The following ANO10 variants were observed in gnomAD, a reference collection of about 807,000 sequenced individuals.
The protein encoded by ANO10 is anoctamin-10.
A neutral mutation model predicts 74.7 loss-of-function variants in ANO10; 77 were observed. The observed-to-expected ratio is 1.03, with a 90% confidence interval of 0.86 to 1.25. The LOEUF is 1.25. Ranked by LOEUF, ANO10 falls within the 50% of genes most tolerant of loss-of-function variation. ANO10 has a pLI of 0.00. For missense variants in ANO10, 721 were observed against 778.1 expected (o/e 0.93, Z 0.87); for synonymous variants, 279 against 284.9 (o/e 0.98, Z 0.21).
chr3:43,518,075 G>T (rs1469733313), intron 11 of ANO10, among the ~76,000 whole-genome samples: 1 of 152,178 alleles, frequency 6.6e-6, no homozygotes, highest in Non-Finnish European at 1.5e-5. Flanking sequence ...ATGCTGCAGA[G>T]TGAGGGGAAT....
At chr3:43,626,227 C>T (rs2083489997), upstream of ANO10, among the ~76,000 whole-genome samples, 1 of 151,994 alleles carries the variant, frequency 6.6e-6, no homozygotes, top group South Asian at 2.1e-4. Context: ...AGCCACCATG[C>T]CTGGCCCAAT....
At chr3:43,627,155 G>C (rs1157862264) in intron 1 of ANO10, among the ~76,000 whole-genome samples, 1 of 152,242 alleles carries the variant, frequency 6.6e-6, no homozygotes, top group Non-Finnish European at 1.5e-5. Flanking sequence ...GCCAGTACCA[G>C]ATTCCCAGTT....
intron 1 of ANO10, among the ~76,000 whole-genome samples, chr3:43,686,524 G>A (rs776160904): frequency 5.9e-5 from 9 of 152,066 alleles, no homozygotes; most frequent in Admixed American, 1.3e-4. Context: ...GGGCTCAAGC[G>A]ATCCACCCAT....
intron 5 of ANO10, 47 bp downstream of exon 5, chr3:43,580,306 C>T: frequency 6.2e-7 from 1 of 1,612,016 alleles, no homozygotes; most frequent in Non-Finnish European, 8.5e-7. Context: ...CGTAACTTTT[C>T]ATCAGAGGCC....
chr3:43,691,086 T>G (rs781775756), intron 1 of ANO10: 1 of 1,500,698 alleles, frequency 6.7e-7, no homozygotes. Context: ...GCGCGCACCC[T>G]CCGCGCGGGC....
At chr3:43,440,453 A>G (rs2093142530) in intron 11 of ANO10, among the ~76,000 whole-genome samples, 1 of 152,328 alleles carries the variant, frequency 6.6e-6, no homozygotes, top group South Asian at 2.1e-4. Context: ...GTTATAAGAG[A>G]CAAATGAGGA....
chr3:43,662,579 TAG>T (rs1185232039), intron 1 of ANO10, among the ~76,000 whole-genome samples: 13 of 150,146 alleles, frequency 8.7e-5, no homozygotes, highest in African/African-American at 3.2e-4. Context: ...CTGAAGGAGA[TAG>T]AGACACAAAA....
In ANO10 at chr3:43,366,827, G is replaced by C. The variant is rs1180693324; in HGVS notation, c.*79C>G. ...GGTTCAGGAGCCACGATGCTGCCCC[G>C]GGTACCCCCCCTGCCACCGTGGCAG... On this transcript the variant is annotated 3_prime_UTR_variant, in exon 13 of 13. Transcript: ENST00000292246. The C allele has an allele frequency of 7.0e-7, 1 of 1,436,770 alleles. No individual in the cohort carries two copies. Among genetic ancestry groups the C allele is most frequent in the Non-Finnish European group, 9.6e-7 (1 of 1,044,698 alleles). The allele number at this position is 1,436,770 out of a possible 1,614,324, so 89.0% of individuals were successfully genotyped here.
intron 9 of ANO10, among the ~76,000 whole-genome samples, chr3:43,560,583 T>TA (rs1559700116): frequency 6.6e-6 from 1 of 151,742 alleles, no homozygotes; most frequent in Non-Finnish European, 1.5e-5. Context: ...AACAATGGCC[T>TA]AAAAAAAATG....
chr3:43,605,823 A>G lies in ANO10; in HGVS notation c.30T>C (p.Thr10=), dbSNP rs879175746. MKVTLSALD[T]SESSFTPLVV... ...CCAAAGGTGTGAAAGAACTCTCAGA[A>G]GTATCCAAAGCTGATAAGGTCACTT... is the stretch of plus-strand genomic sequence containing the variant. Residue 10 remains threonine, a synonymous_variant, in exon 2 of 13, where the codon ACT becomes ACC. Transcript: ENST00000292246. The G allele has an allele frequency of 6.2e-7, 1 of 1,613,826 alleles. No individual in the cohort carries two copies. Among genetic ancestry groups the G allele is most frequent in the South Asian group, 1.1e-5 (1 of 91,078 alleles).
chr3:43,576,581 G>A, intron 6 of ANO10, 111 bp downstream of exon 6: 2 of 1,160,648 alleles, frequency 1.7e-6, no homozygotes, highest in East Asian at 4.9e-5. Context: ...TCTATAATGA[G>A]CCAAGAGCAA....
At chr3:43,646,824 A>G (rs1378238916) in intron 1 of ANO10, among the ~76,000 whole-genome samples, 1 of 152,192 alleles carries the variant, frequency 6.6e-6, no homozygotes, top group Non-Finnish European at 1.5e-5. Flanking sequence ...CTTTCTTTAC[A>G]TAGACTCATA....
At chr3:43,395,386 T>G (rs1187824535) in intron 12 of ANO10, among the ~76,000 whole-genome samples, 1 of 152,248 alleles carries the variant, frequency 6.6e-6, no homozygotes. Flanking sequence ...AATATTTTAA[T>G]GTAAGATCTC....
intron 11 of ANO10, among the ~76,000 whole-genome samples, chr3:43,475,284 C>T (rs1020510084): frequency 9.2e-5 from 14 of 152,104 alleles, no homozygotes; most frequent in Admixed American, 6.5e-4. Context: ...ACAACATTAG[C>T]GTGAAGAACC....
At chr3:43,544,115 T>G (rs2079074116) in intron 11 of ANO10, among the ~76,000 whole-genome samples, 1 of 152,214 alleles carries the variant, frequency 6.6e-6, no homozygotes, top group South Asian at 2.1e-4. Flanking sequence ...AGTAATCTTT[T>G]GCTAAAAATT....
At chr3:43,485,183 T>C in intron 11 of ANO10, 1 of 711,588 alleles carries the variant, frequency 1.4e-6, no homozygotes, top group Non-Finnish European at 2.5e-6. Flanking sequence ...TGACAGCGCC[T>C]GCGGTGGTCA....
intron 11 of ANO10, among the ~76,000 whole-genome samples, chr3:43,501,443 G>A (rs1395284759): frequency 6.6e-6 from 1 of 151,868 alleles, no homozygotes; most frequent in Non-Finnish European, 1.5e-5. Context: ...ACTATAGCAG[G>A]AAGTGTAAAA....
intron 1 of ANO10, among the ~76,000 whole-genome samples, chr3:43,635,115 A>G (rs773579639): frequency 1.3e-5 from 2 of 152,144 alleles, no homozygotes; most frequent in Non-Finnish European, 2.9e-5. Context: ...ATGCAATGTT[A>G]CTGCCAGTTA....
intron 12 of ANO10, among the ~76,000 whole-genome samples, chr3:43,413,912 T>C (rs1408858510): frequency 1.3e-5 from 2 of 151,736 alleles, no homozygotes; most frequent in African/African-American, 4.8e-5. Context: ...CATCTCCCCC[T>C]GCCTCCCCAC....
Sources: gnomAD v4.1 joint callset for allele counts (sites outside exome capture counted in the v4.1 genomes callset) on GRCh38, gnomAD v4.1.1 for gene constraint, MANE v1.5 for transcripts, NCBI Gene and HGNC (gene_info 2026-07-23, HGNC 2026-07-21) for gene names.